The following PCGF2 variants were observed in gnomAD, a reference collection of about 807,000 sequenced individuals.
The protein encoded by PCGF2 is polycomb group ring finger 2, also known as polycomb group RING finger protein 2.
A neutral mutation model predicts 36.1 loss-of-function variants in PCGF2; 8 were observed. The ratio of observed to expected loss-of-function variants is 0.22; its 90% CI spans 0.13 to 0.40. PCGF2 has a LOEUF of 0.40. PCGF2 is among the 10% of genes least tolerant of loss of function. The pLI is 1.00. For missense variants in PCGF2, 436 were observed against 475.9 expected, an observed-to-expected ratio of 0.92 and a Z score of 0.78; for synonymous variants, 198 against 191.2, an observed-to-expected ratio of 1.04 and a Z score of -0.29.
chr17:38,739,192 A>T lies in PCGF2; in HGVS notation c.265+6T>A. 6.2e-7 allele frequency: 1 copy of T among 1,614,070 alleles called. No homozygotes were observed. Among genetic ancestry groups the T allele is most frequent in the Non-Finnish European group, 8.5e-7 (1 of 1,179,930 alleles). ...GGTCAGTGGAGGAGGAATGGAGTGCAGATACCTTTAAAAAGCCCAGGGACC... is the reference window on the plus strand; with the variant it reads ...GGTCAGTGGAGGAGGAATGGAGTGCTGATACCTTTAAAAAGCCCAGGGACC... On this transcript the variant is annotated splice_donor_region_variant and intron_variant, in intron 5 of 10. Coordinates refer to ENST00000620225, the MANE Select transcript of PCGF2 (RefSeq NM_007144.3). The surrounding 1 kb of genome is among the most constrained non-coding windows in gnomAD (Gnocchi z 4.0).
intron 2 of PCGF2, among the ~76,000 whole-genome samples, chr17:38,744,480 C>T (rs1401152191): frequency 6.6e-6 from 1 of 152,208 alleles, no homozygotes; most frequent in Non-Finnish European, 1.5e-5. Flanking sequence ...CTCAACCTCC[C>T]AAGTAGCTGG....
chr17:38,742,778 TG>T (rs1269025834), intron 2 of PCGF2, among the ~76,000 whole-genome samples: 1 of 152,168 alleles, frequency 6.6e-6, no homozygotes, highest in African/African-American at 2.4e-5. Context: ...TCTCTGAGCG[TG>T]TGTAATATCC....
chr17:38,735,220 G>T lies in PCGF2; in HGVS notation c.*3C>A. The T allele has an allele frequency of 7.1e-7, 1 of 1,411,622 alleles. No homozygotes were observed. Among genetic ancestry groups the T allele is most frequent in the Non-Finnish European group, 9.3e-7 (1 of 1,073,018 alleles). The allele number at this position is 1,411,622 out of a possible 1,614,324, so 87.4% of individuals were successfully genotyped here. A position where few individuals can be genotyped will look rare whatever the true frequency, so the allele number is the denominator to read the frequency against. On this transcript the variant is annotated 3_prime_UTR_variant, in exon 11 of 11. Coordinates refer to ENST00000620225, the MANE Select transcript of PCGF2 (RefSeq NM_007144.3). ...GCTGGAAGAAGGGAGAGGGTCCCTG[G>T]CCTCAAGTTAAGGGGGGCACGGGAG...
At chr17:38,736,852 C>CA (rs1295239802) in intron 9 of PCGF2, among the ~76,000 whole-genome samples, 1 of 150,170 alleles carries the variant, frequency 6.7e-6, no homozygotes, top group Non-Finnish European at 1.5e-5. Context: ...CAAAACAAAA[C>CA]AAAAAACAAA....
chr17:38,748,182 T>G lies in PCGF2; in HGVS notation c.-134+14A>C. ...CCAGGAGAGGGAAAGGCAGGGGGAGTCCGCTCCGCTTACCTGGGTTCGGGG... is the reference window on the plus strand; with the variant it reads ...CCAGGAGAGGGAAAGGCAGGGGGAGGCCGCTCCGCTTACCTGGGTTCGGGG... On this transcript the variant is annotated intron_variant, in intron 1 of 10. Coordinates refer to ENST00000620225, the MANE Select transcript of PCGF2 (RefSeq NM_007144.3). 1 of 106,032 alleles carries G rather than the reference T, an allele frequency of 9.4e-6. No individual in the cohort carries two copies. Among genetic ancestry groups the G allele is most frequent in the Non-Finnish European group, 1.8e-5 (1 of 54,884 alleles). The allele number at this position is 106,032 out of a possible 1,614,324, so 6.6% of individuals were successfully genotyped here.
chr17:38,739,670 C>T lies in PCGF2; in HGVS notation c.125G>A (p.Cys42Tyr). 1 of 1,613,910 alleles carries T rather than the reference C, an allele frequency of 6.2e-7. No individual in the cohort carries two copies. The highest frequency in any genetic ancestry group is 8.5e-7 in the Non-Finnish European group (1 of 1,179,832). Residue 42 changes from cysteine (C) to tyrosine (Y), a missense_variant, in exon 4 of 11, where the codon TGC (cysteine) becomes TAC (tyrosine). Physicochemically the swap from Cys to Tyr is radical, Grantham distance 194. This residue lies in a region of PCGF2 where 189 missense variants were observed against 219.3 expected (regional missense o/e 0.86). Transcript: ENST00000620225. The surrounding 1 kb of genome is among the most constrained non-coding windows in gnomAD (Gnocchi z 4.0). ...GTTGGTCTCCAGGTAGCGCACGATGCAGGTTTTGCAGACTTGGGGGTGTGG... is the reference window on the plus strand; with the variant it reads ...GTTGGTCTCCAGGTAGCGCACGATGTAGGTTTTGCAGACTTGGGGGTGTGG... ...VECLHSFCKT[C>Y]IVRYLETNKY...
rs370572834 is a variant in PCGF2 at position 38,735,726 on chromosome 17, T to C, written c.658-126A>G. ...CGAAAAAAGGGATGGGATGGGGCCT[T>C]GGAGAGGAGAGAGACAAGGATACAG... On this transcript the variant is annotated intron_variant, in intron 10 of 10. Transcript: ENST00000620225. 271 of 1,277,676 alleles carry C rather than the reference T, an allele frequency of 2.1e-4. 1 individual carries two copies. The African/African-American group carries it at 3.6e-3, about 17-fold the overall frequency. 79.1% of individuals were successfully genotyped at this position (1,277,676 alleles called of 1,614,324 possible). A position where few individuals can be genotyped will look rare whatever the true frequency, so the allele number is the denominator to read the frequency against.
Position 38,739,293 on chromosome 17 carries a change from C to T in PCGF2, c.210-40G>A, listed in dbSNP as rs900891184. On this transcript the variant is annotated intron_variant, in intron 4 of 10. Transcript: ENST00000620225. This position sits in a 1 kb window ranked among gnomAD's most constrained non-coding sequence, Gnocchi z 4.0. ...ACAGGGCTTATCAGCAATGCCTTCTCCAGAGCGCTCCGACCTCGCCCTGCT... is the reference window on the plus strand; with the variant it reads ...ACAGGGCTTATCAGCAATGCCTTCTTCAGAGCGCTCCGACCTCGCCCTGCT... 6.3e-7 allele frequency: 1 copy of T among 1,580,108 alleles called. No individual in the cohort carries two copies. The highest frequency in any genetic ancestry group is 2.2e-5 in the East Asian group (1 of 44,730).
intron 2 of PCGF2, among the ~76,000 whole-genome samples, chr17:38,742,651 C>T (rs760039664): frequency 2.0e-4 from 30 of 152,192 alleles, no homozygotes; most frequent in Non-Finnish European, 1.8e-4. Context: ...TTTGCAATTA[C>T]GCAGAAAGCT....
chr17:38,739,274 C>T lies in PCGF2; in HGVS notation c.210-21G>A. 1 of 1,611,106 alleles carries T rather than the reference C, an allele frequency of 6.2e-7. No individual in the cohort carries two copies. Among genetic ancestry groups the T allele is most frequent in the Non-Finnish European group, 8.5e-7 (1 of 1,177,518 alleles). ...CAGACCTGGGGAAAAATGGACAGGG[C>T]TTATCAGCAATGCCTTCTCCAGAGC... On this transcript the variant is annotated intron_variant, in intron 4 of 10. Coordinates refer to ENST00000620225, the MANE Select transcript of PCGF2 (RefSeq NM_007144.3). This position sits in a 1 kb window ranked among gnomAD's most constrained non-coding sequence, Gnocchi z 4.0.
upstream of PCGF2, chr17:38,749,739 T>G (rs952796662): frequency 4.4e-6 from 2 of 454,778 alleles, no homozygotes; most frequent in Non-Finnish European, 4.4e-6. The surrounding 1 kb of genome is among the most constrained non-coding windows in gnomAD (Gnocchi z 6.5). Context: ...CTCGGGTGAA[T>G]GCTTTCGCCC....
intron 7 of PCGF2, 68 bp from the exon 8 acceptor site, chr17:38,738,663 C>G: frequency 6.4e-7 from 1 of 1,563,078 alleles, no homozygotes; most frequent in Non-Finnish European, 8.8e-7. Context: ...AGGATGATCC[C>G]TCAATGGACA....
chr17:38,736,560 T>C lies in PCGF2; in HGVS notation c.577-390A>G, dbSNP rs186491314. 1.8e-3 allele frequency among the ~76,000 whole-genome samples: 276 copies of C among 151,776 alleles called. 3 individuals carry two copies. Among genetic ancestry groups the C allele is most frequent in the South Asian group, 3.7e-3 (18 of 4,800 alleles). On this transcript the variant is annotated intron_variant, in intron 9 of 10. Coordinates refer to ENST00000620225, the MANE Select transcript of PCGF2 (RefSeq NM_007144.3). ...TTTAAAAAACACCAATGTGGCCGGG[T>C]GCGGTGGCTCATGCCTGTAATCCCA...
chr17:38,736,767 G>A (rs1315248632), intron 9 of PCGF2, among the ~76,000 whole-genome samples: 2 of 152,004 alleles, frequency 1.3e-5, no homozygotes, highest in Non-Finnish European at 2.9e-5. Flanking sequence ...CCGGGAGGCG[G>A]AGCTTGCAGT....
chr17:38,746,001 G>A (rs1907514057), intron 2 of PCGF2, among the ~76,000 whole-genome samples: 1 of 152,124 alleles, frequency 6.6e-6, no homozygotes, highest in African/African-American at 2.4e-5. Context: ...AACTGCGCAA[G>A]CCCCTTGTAT....
At position 38,736,645 on chromosome 17, in the gene PCGF2, T is replaced by C. The variant is rs543214564; in HGVS notation, c.577-475A>G. Among the ~76,000 whole-genome samples, 350 of 152,034 alleles carry C rather than the reference T, an allele frequency of 2.3e-3. 1 individual carries two copies. Among genetic ancestry groups the C allele is most frequent in the Middle Eastern group, 0.02 (6 of 294 alleles). On this transcript the variant is annotated intron_variant, in intron 9 of 10. Coordinates refer to ENST00000620225, the MANE Select transcript of PCGF2 (RefSeq NM_007144.3). ...GTCAGGAGATCGAGACCATCCTGGC[T>C]AACGTGGTGAAACCCCGTCTCTACT...
chr17:38,742,178 C>CAA (rs1907244978), intron 2 of PCGF2, among the ~76,000 whole-genome samples: 2 of 152,202 alleles, frequency 1.3e-5, no homozygotes, highest in Admixed American at 6.5e-5. Context: ...ACCAAACCTG[C>CAA]ACCTGGAAGG....
Position 38,734,497 on chromosome 17 carries a change from A to AGAT in PCGF2, c.*723_*725dup, listed in dbSNP as rs1567937181. 1 of 151,282 alleles carries AGAT rather than the reference A, an allele frequency of 6.6e-6. No homozygotes were observed. Among genetic ancestry groups the AGAT allele is most frequent in the Non-Finnish European group, 1.5e-5 (1 of 67,896 alleles). The allele number at this position is 151,282 out of a possible 1,614,324, so 9.4% of individuals were successfully genotyped here. On this transcript the variant is annotated 3_prime_UTR_variant, in exon 11 of 11. Coordinates refer to ENST00000620225, the MANE Select transcript of PCGF2 (RefSeq NM_007144.3). Reference sequence around the variant, plus strand: ...CAGGGCCTGAATCTTCTTTTCCACAAGATAAATGATGCAAAGGCCACACAC... The same window carrying AGAT: ...CAGGGCCTGAATCTTCTTTTCCACAAGATGATAAATGATGCAAAGGCCACACAC...
rs759798973 is a variant in PCGF2 at position 38,738,788 on chromosome 17, A to G, written c.390T>C (p.Ile130=). The change falls in exon 7 of 11, where the codon ATT becomes ATC. Residue 130 remains isoleucine, a synonymous_variant. Coordinates refer to ENST00000620225, the MANE Select transcript of PCGF2 (RefSeq NM_007144.3). ...CGTAGAATTCGATGGAGAGGCTGAC[A>G]ATCTCATCATCACTCAGAGCCCCCT... The part of the protein sequence containing the change: ...QEKGALSDDE[I]VSLSIEFYEG... 6.2e-7 allele frequency: 1 copy of G among 1,614,036 alleles called. No homozygotes were observed. The highest frequency in any genetic ancestry group is 8.5e-7 in the Non-Finnish European group (1 of 1,179,938).
Sources: gnomAD v4.1 joint callset for allele counts (sites outside exome capture counted in the v4.1 genomes callset) on GRCh38, gnomAD v4.1.1 for gene constraint, gnomAD v4.1.1 regional missense constraint, Gnocchi (gnomAD v3.1) non-coding constraint, MANE v1.5 for transcripts, NCBI Gene and HGNC (gene_info 2026-07-23, HGNC 2026-07-21) for gene names.